The following CHRM3 variants were observed in gnomAD, a reference collection of about 807,000 sequenced individuals.
CHRM3 encodes muscarinic acetylcholine receptor M3.
A neutral mutation model predicts 41.8 loss-of-function variants in CHRM3; 11 were observed. That is an observed-to-expected ratio of 0.26 (90% confidence interval 0.17 to 0.44). CHRM3 has a LOEUF of 0.44. CHRM3 is among the 20% of genes least tolerant of loss of function. CHRM3 has a pLI of 1.00. For missense variants in CHRM3, 571 were observed against 745.4 expected (o/e 0.77, Z 2.72); for synonymous variants, 297 against 301.4 (o/e 0.99, Z 0.15).
intron 3 of CHRM3, among the ~76,000 whole-genome samples, chr1:239,600,379 C>T (rs374683900): frequency 3.9e-5 from 6 of 151,960 alleles, no homozygotes; most frequent in East Asian, 3.9e-4. Flanking sequence ...TACTCCATTT[C>T]GCCTGCTTAT....
At chr1:239,756,765 G>A (rs769114388) in intron 5 of CHRM3, among the ~76,000 whole-genome samples, 3 of 152,150 alleles carry the variant, frequency 2.0e-5, no homozygotes, top group African/African-American at 4.8e-5. Flanking sequence ...GACAGCATAG[G>A]TAAACTGTTC....
chr1:239,841,560 ATATGG>A (rs939709955), intron 6 of CHRM3, among the ~76,000 whole-genome samples: 1 of 152,168 alleles, frequency 6.6e-6, no homozygotes, highest in Admixed American at 6.5e-5. Context: ...AAGAAGTCCC[ATATGG>A]TTGCAAAACT....
rs150221954 is a variant in CHRM3 at position 239,574,451 on chromosome 1, C to T, written c.-313+28702C>T. 3.1e-4 allele frequency among the ~76,000 whole-genome samples: 47 copies of T among 152,180 alleles called. No homozygotes were observed. The South Asian group carries it at 4.0e-3, about 13-fold the overall frequency. The stretch of plus-strand genomic sequence containing the variant: ...AGCGCTGGGCCTGGAGCACTCTTCT[C>T]GGTTATGCACTGGCCAGCTCCCTTA... On this transcript the variant is annotated intron_variant, in intron 3 of 6. Transcript: ENST00000676153.
chr1:239,883,350 C>T (rs1677803597), intron 6 of CHRM3, among the ~76,000 whole-genome samples: 3 of 152,114 alleles, frequency 2.0e-5, no homozygotes, highest in African/African-American at 4.8e-5. Flanking sequence ...CCAACTATGC[C>T]CCTCATTCAT....
chr1:239,392,384 T>C (rs1659112765), intron 1 of CHRM3, among the ~76,000 whole-genome samples: 1 of 152,122 alleles, frequency 6.6e-6, no homozygotes, highest in Non-Finnish European at 1.5e-5. Flanking sequence ...AATCCTTCAT[T>C]AGGTCATTTG....
At chr1:239,741,461 G>C (rs968156788) in intron 5 of CHRM3, among the ~76,000 whole-genome samples, 1 of 152,108 alleles carries the variant, frequency 6.6e-6, no homozygotes, top group Non-Finnish European at 1.5e-5. Flanking sequence ...TCTAGGTTTT[G>C]ATGGCCTGCT....
intron 3 of CHRM3, among the ~76,000 whole-genome samples, chr1:239,565,748 CA>C (rs535019107): frequency 1.3e-4 from 20 of 151,898 alleles, no homozygotes; most frequent in Non-Finnish European, 2.8e-4. Flanking sequence ...CACCTTCAGG[CA>C]ATTTGTTAAC....
At chr1:239,783,563 A>C (rs1371629040) in intron 5 of CHRM3, among the ~76,000 whole-genome samples, 5 of 152,326 alleles carry the variant, frequency 3.3e-5, no homozygotes, top group Admixed American at 3.3e-4. Flanking sequence ...GAGAGAAGTG[A>C]GTAAATAGTC....
chr1:239,416,352 TCTACAG>T (rs1207263285), intron 1 of CHRM3, among the ~76,000 whole-genome samples: 1 of 151,954 alleles, frequency 6.6e-6, no homozygotes. Flanking sequence ...GAGATTTTTC[TCTACAG>T]AACAATAATA....
chr1:239,895,355 C>G (rs1678906828), intron 6 of CHRM3, among the ~76,000 whole-genome samples: 1 of 152,208 alleles, frequency 6.6e-6, no homozygotes, highest in Non-Finnish European at 1.5e-5. Flanking sequence ...TCTGCAGTCT[C>G]CAGTCCTCTG....
chr1:239,906,942 C>A (rs113378530), intron 6 of CHRM3, among the ~76,000 whole-genome samples: 1 of 152,148 alleles, frequency 6.6e-6, no homozygotes, highest in Admixed American at 6.5e-5. Context: ...GTTGGCATTG[C>A]TCATTTTAGT....
intron 5 of CHRM3, among the ~76,000 whole-genome samples, chr1:239,820,535 G>A (rs1212573137): frequency 3.9e-5 from 6 of 152,164 alleles, no homozygotes; most frequent in African/African-American, 7.2e-5. Context: ...AGGCAAATAC[G>A]GGAAGTTCAG....
intron 1 of CHRM3, among the ~76,000 whole-genome samples, chr1:239,475,042 T>C (rs1486163885): frequency 6.6e-6 from 1 of 152,070 alleles, no homozygotes; most frequent in Non-Finnish European, 1.5e-5. Flanking sequence ...GTCTAGTTGT[T>C]TGGGGGGACC....
At chr1:239,393,276 C>A (rs1472320297) in intron 1 of CHRM3, among the ~76,000 whole-genome samples, 5 of 152,100 alleles carry the variant, frequency 3.3e-5, no homozygotes, top group Non-Finnish European at 5.9e-5. Context: ...AAATGTATAT[C>A]CATAGTCATT....
At chr1:239,871,820 G>A (rs541403654) in intron 6 of CHRM3, among the ~76,000 whole-genome samples, 4 of 152,146 alleles carry the variant, frequency 2.6e-5, no homozygotes, top group African/African-American at 9.6e-5. Context: ...TCCTTTCCTC[G>A]TAAGGAAAAG....
At chr1:239,561,699 C>T in intron 3 of CHRM3, among the ~76,000 whole-genome samples, 1 of 151,650 alleles carries the variant, frequency 6.6e-6, no homozygotes, top group East Asian at 1.9e-4. Flanking sequence ...GATAATATTA[C>T]TGATAATTAA....
chr1:239,834,272 C>T (rs895633457), intron 6 of CHRM3, among the ~76,000 whole-genome samples: 1 of 149,504 alleles, frequency 6.7e-6, no homozygotes, highest in Non-Finnish European at 1.5e-5. Context: ...ATACTCAACT[C>T]TCTACCATAA....
chr1:239,508,362 A>C (rs1037413829), intron 2 of CHRM3, among the ~76,000 whole-genome samples: 4 of 152,194 alleles, frequency 2.6e-5, no homozygotes, highest in Non-Finnish European at 4.4e-5. Flanking sequence ...ATTAAAATGT[A>C]AATAATATGT....
intron 3 of CHRM3, among the ~76,000 whole-genome samples, chr1:239,575,421 CA>C (rs1461781558): frequency 6.6e-6 from 1 of 152,182 alleles, no homozygotes; most frequent in East Asian, 1.9e-4. Context: ...AGCTCAGGGA[CA>C]ACCCAAATAA....
Sources: allele counts gnomAD v4.1 joint callset (sites outside exome capture counted in the v4.1 genomes callset), GRCh38; gene constraint gnomAD v4.1.1; transcripts MANE v1.5; gene names NCBI Gene and HGNC (gene_info 2026-07-23, HGNC 2026-07-21).